AHI1: variants seen among roughly 807,000 people sequenced by gnomAD.
AHI1 encodes jouberin.
In AHI1, 123 loss-of-function variants were observed where a neutral mutation model predicts 149.3. The observed-to-expected ratio is 0.82, with a 90% CI of 0.71 to 0.96. AHI1 has a LOEUF of 0.96. AHI1 is among the 40% of genes least tolerant of loss of function. The probability of loss-of-function intolerance (pLI) is 0.00; values close to 1 mark genes in which losing one functional copy is unlikely to be tolerated. For missense variants in AHI1, 1,439 were observed against 1,422.7 expected, an observed-to-expected ratio of 1.01 and a Z score of -0.18; for synonymous variants, 475 against 459.8, an observed-to-expected ratio of 1.03 and a Z score of -0.42.
chr6:135,302,965 T>A (rs1784075501), intron 26 of AHI1: 1 of 445,346 alleles, frequency 2.2e-6, no homozygotes, highest in Non-Finnish European at 3.7e-6. Flanking sequence ...TTCATGGATA[T>A]CATTGATTTA....
chr6:135,320,491 A>G (rs1292690969), intron 25 of AHI1, among the ~76,000 whole-genome samples: 3 of 152,174 alleles, frequency 2.0e-5, no homozygotes, highest in African/African-American at 7.2e-5. Flanking sequence ...GAGTCTTGTT[A>G]TATTGCCCAG....
intron 24 of AHI1, among the ~76,000 whole-genome samples, chr6:135,339,219 C>T (rs942882129): frequency 6.6e-6 from 1 of 152,134 alleles, no homozygotes; most frequent in African/African-American, 2.4e-5. Context: ...TGAGTTAGGA[C>T]TAGAGAAATT....
At chr6:135,425,045 A>G (rs1019401091) in intron 20 of AHI1, among the ~76,000 whole-genome samples, 2 of 151,972 alleles carry the variant, frequency 1.3e-5, no homozygotes, top group Admixed American at 1.3e-4. Flanking sequence ...ACTCTGCTCA[A>G]TCTTAGATGG....
rs781286716 is a variant in AHI1, at chr6:135,465,951, A to C, written c.612T>G (p.Ile204Met). 4 of 1,611,110 alleles carry C rather than the reference A, an allele frequency of 2.5e-6. No individual in the cohort carries two copies. In the East Asian group the frequency reaches 8.9e-5, roughly 36 times the overall value. The change falls in exon 7 of 29, where the codon ATT (isoleucine) becomes ATG (methionine). Residue 204 changes from isoleucine to methionine, a missense_variant. Ile to Met is a conservative substitution (Grantham distance 10). Transcript: ENST00000265602. ...TCAGTTTCTTTCTTATTTTCCTCTT[A>C]ATCTCCTTTGCCATTTCTTCAGTTA... is the stretch of plus-strand genomic sequence containing the variant. The part of the protein sequence containing the change: ...CHVTEEMAKE[I>M]KRKIRKKLKE...
chr6:135,462,757 C>T lies in AHI1; in HGVS notation c.931+368G>A, dbSNP rs141765296. Among the ~76,000 whole-genome samples the T allele has an allele frequency of 8.0e-3, 1,211 of 152,028 alleles. 13 individuals are homozygous for T. The highest frequency in any genetic ancestry group is 0.028 in the African/African-American group (1,154 of 41,448). ...CTCTACTAACAATACAAAAATTAGC[C>T]GGGTATGGTGGCATGCATCTGCAAT... On this transcript the variant is annotated intron_variant, in intron 8 of 28. Coordinates refer to ENST00000265602, the MANE Select transcript of AHI1 (RefSeq NM_001134831.2).
intron 23 of AHI1, among the ~76,000 whole-genome samples, chr6:135,364,797 C>T (rs1488594005): frequency 3.9e-5 from 6 of 152,206 alleles, no homozygotes; most frequent in African/African-American, 1.4e-4. Flanking sequence ...CAAGCTGAGG[C>T]AGGAGAATCA....
intron 5 of AHI1, among the ~76,000 whole-genome samples, chr6:135,478,193 G>T (rs1337056492): frequency 6.6e-6 from 1 of 152,170 alleles, no homozygotes; most frequent in African/African-American, 2.4e-5. Context: ...CTGAAAATGT[G>T]GAAGTGACTT....
At chr6:135,419,202 A>C (rs1782800922) in intron 20 of AHI1, among the ~76,000 whole-genome samples, 1 of 152,128 alleles carries the variant, frequency 6.6e-6, no homozygotes, top group African/African-American at 2.4e-5. Flanking sequence ...CAGTCAACCA[A>C]ATGAGACAGC....
chr6:135,361,996 C>T (rs1793966045), intron 23 of AHI1, among the ~76,000 whole-genome samples: 1 of 152,110 alleles, frequency 6.6e-6, no homozygotes, highest in South Asian at 2.1e-4. Flanking sequence ...ACCCCTGTCC[C>T]ACCCTTTCCA....
Position 135,364,177 on chromosome 6 carries a change from G to T in AHI1, c.3110-5990C>A, listed in dbSNP as rs1179496996. On this transcript the variant is annotated intron_variant, in intron 23 of 28. Coordinates refer to ENST00000265602, the MANE Select transcript of AHI1 (RefSeq NM_001134831.2). ...GGAGGGGCTCCTCACTTCTCAGACAGGGCGGTTGCCAGGCAGAGGGTCTCC... is the reference window on the plus strand; with the variant it reads ...GGAGGGGCTCCTCACTTCTCAGACATGGCGGTTGCCAGGCAGAGGGTCTCC... 8.6e-5 allele frequency among the ~76,000 whole-genome samples: 13 copies of T among 151,816 alleles called. 1 individual carries two copies. The highest frequency in any genetic ancestry group is 1.9e-4 in the Non-Finnish European group (13 of 67,928).
At chr6:135,480,339 T>C (rs966544397) in intron 5 of AHI1, among the ~76,000 whole-genome samples, 1 of 151,918 alleles carries the variant, frequency 6.6e-6, no homozygotes, top group Non-Finnish European at 1.5e-5. Context: ...GCACCTGTAG[T>C]CCAAGCTACT....
At chr6:135,481,619 T>G (rs1793656305) in intron 5 of AHI1, among the ~76,000 whole-genome samples, 1 of 151,660 alleles carries the variant, frequency 6.6e-6, no homozygotes, top group Admixed American at 6.6e-5. Context: ...GATTTTTAAG[T>G]AAGAGAAAAA....
intron 27 of AHI1, among the ~76,000 whole-genome samples, chr6:135,290,733 C>T (rs1583518720): frequency 6.6e-6 from 1 of 152,060 alleles, no homozygotes; most frequent in South Asian, 2.1e-4. Flanking sequence ...AACAGACAAA[C>T]CTTTGGCTGG....
intron 5 of AHI1, chr6:135,474,732 T>C (rs1792317520): frequency 6.6e-6 from 1 of 152,232 alleles, no homozygotes; most frequent in Non-Finnish European, 1.5e-5. Flanking sequence ...TTGGATGCTT[T>C]TTCTAACACT....
intron 5 of AHI1, among the ~76,000 whole-genome samples, chr6:135,473,077 T>A (rs529236417): frequency 6.6e-6 from 1 of 152,302 alleles, no homozygotes; most frequent in Admixed American, 6.5e-5. Context: ...GTTTCTCTTA[T>A]AAGTTCTACA....
intron 24 of AHI1, among the ~76,000 whole-genome samples, chr6:135,352,995 G>A (rs76245653): frequency 6.0e-5 from 9 of 151,118 alleles, no homozygotes; most frequent in African/African-American, 1.9e-4. Context: ...AGTTTTTCAG[G>A]TAGAAAAATT....
intron 5 of AHI1, among the ~76,000 whole-genome samples, chr6:135,468,154 T>C (rs1412868963): frequency 2.0e-5 from 3 of 152,176 alleles, no homozygotes; most frequent in Non-Finnish European, 4.4e-5. Context: ...TCACCTAAAA[T>C]ATATTTCCAA....
intron 26 of AHI1, among the ~76,000 whole-genome samples, chr6:135,310,637 C>A (rs530388186): frequency 1.3e-5 from 2 of 152,134 alleles, no homozygotes; most frequent in Non-Finnish European, 2.9e-5. Context: ...TGAAGATTAG[C>A]TATAATAGAT....
chr6:135,478,764 T>C (rs1342097504), intron 5 of AHI1, among the ~76,000 whole-genome samples: 1 of 152,210 alleles, frequency 6.6e-6, no homozygotes, highest in Non-Finnish European at 1.5e-5. Context: ...CTCCAATTCA[T>C]TTCAGAGACC....
Sources: gnomAD v4.1 joint callset for allele counts (sites outside exome capture counted in the v4.1 genomes callset) on GRCh38, gnomAD v4.1.1 for gene constraint, MANE v1.5 for transcripts, NCBI Gene and HGNC (gene_info 2026-07-23, HGNC 2026-07-21) for gene names.